Variants in C1orf21 observed in about 807,000 individuals in gnomAD.
C1orf21 encodes uncharacterized protein C1orf21.
C1orf21 carries 3 observed loss-of-function variants against 18.7 expected under a neutral mutation model. The observed-to-expected ratio is 0.16, with a 90% CI of 0.07 to 0.42. The LOEUF (loss-of-function observed/expected upper bound fraction) is 0.42, where lower values mean the gene tolerates loss of function less well. Among genes scored for constraint, C1orf21 ranks in the 10% least tolerant of loss-of-function variants. The probability of loss-of-function intolerance (pLI) is 0.99; values close to 1 mark genes in which losing one functional copy is unlikely to be tolerated. For synonymous variants in C1orf21, 41 were observed against 46.4 expected (o/e 0.88, Z 0.47); for missense variants, 104 against 143.6 (o/e 0.72, Z 1.41).
intron 1 of C1orf21, among the ~76,000 whole-genome samples, chr1:184,452,003 T>C (rs987825942): frequency 1.2e-4 from 18 of 152,330 alleles, no homozygotes; most frequent in African/African-American, 4.3e-4. Context: ...ATCCTTTGCT[T>C]TCCCTGGAAG....
At chr1:184,477,717 GC>G in intron 2 of C1orf21, 114 bp downstream of exon 2, 1 of 778,770 alleles carries the variant, frequency 1.3e-6, no homozygotes. Flanking sequence ...TTTGTTACAT[GC>G]CTAGAATGTG....
At chr1:184,541,310 AT>A (rs2101977607) in intron 3 of C1orf21, among the ~76,000 whole-genome samples, 1 of 152,194 alleles carries the variant, frequency 6.6e-6, no homozygotes, top group East Asian at 1.9e-4. Flanking sequence ...CCTAGGTTTT[AT>A]TTTTTGCTTG....
rs1018165650 is a variant in C1orf21 at position 184,388,928 on chromosome 1, T to G, written c.-125+1560T>G. On this transcript the variant is annotated intron_variant, in intron 1 of 5. Transcript: ENST00000235307. ...TTTTTCATATTGTCTAGAGCTGGATTGTAGGATCAATAGAACATGTTCCAT... is the reference window on the plus strand; with the variant it reads ...TTTTTCATATTGTCTAGAGCTGGATGGTAGGATCAATAGAACATGTTCCAT... 2.0e-5 allele frequency among the ~76,000 whole-genome samples: 3 copies of G among 152,310 alleles called. No individual in the cohort carries two copies. The East Asian group carries it at 5.8e-4, about 29-fold the overall frequency.
chr1:184,561,667 A>C (rs554888546), intron 3 of C1orf21, among the ~76,000 whole-genome samples: 16 of 152,190 alleles, frequency 1.1e-4, no homozygotes, highest in Non-Finnish European at 2.2e-4. Context: ...CCCAGGCTGG[A>C]ATGCGATGGT....
chr1:184,474,622 G>C (rs1449025733), intron 1 of C1orf21, among the ~76,000 whole-genome samples: 1 of 152,174 alleles, frequency 6.6e-6, no homozygotes, highest in Non-Finnish European at 1.5e-5. Flanking sequence ...AGAGGCTGTA[G>C]ATATGAAATT....
intron 3 of C1orf21, among the ~76,000 whole-genome samples, chr1:184,560,795 G>GCC (rs927580324): frequency 1.3e-5 from 2 of 152,160 alleles, no homozygotes; most frequent in Admixed American, 1.3e-4. Flanking sequence ...TGGCAAAGAT[G>GCC]CCCCTATGAA....
chr1:184,537,431 C>T (rs1480035344), intron 3 of C1orf21, among the ~76,000 whole-genome samples: 4 of 152,120 alleles, frequency 2.6e-5, no homozygotes, highest in Admixed American at 2.6e-4. Context: ...GCATAATGTT[C>T]TGAAGGTCCA....
rs573116634 is a variant in C1orf21, at chr1:184,572,811, G to C, written c.190-17928G>C. Among the ~76,000 whole-genome samples the C allele has an allele frequency of 3.5e-4, 53 of 152,166 alleles. No individual in the cohort carries two copies. The East Asian group carries it at 3.7e-3, about 11-fold the overall frequency. ...TACTGAAAATACAAAAATCAGCCAC[G>C]CATGGTGGCATGCACCTGTAATCTC... On this transcript the variant is annotated intron_variant, in intron 3 of 5. Coordinates refer to ENST00000235307, the MANE Select transcript of C1orf21 (RefSeq NM_030806.4).
At chr1:184,414,899 G>GT (rs1324992063) in intron 1 of C1orf21, among the ~76,000 whole-genome samples, 1 of 152,112 alleles carries the variant, frequency 6.6e-6, no homozygotes, top group Non-Finnish European at 1.5e-5. Flanking sequence ...ACTTTTGTGT[G>GT]GGGGGAAAGC....
intron 1 of C1orf21, among the ~76,000 whole-genome samples, chr1:184,417,566 T>C (rs1352517173): frequency 6.6e-6 from 1 of 152,244 alleles, no homozygotes; most frequent in Non-Finnish European, 1.5e-5. Flanking sequence ...TTAGCACTTA[T>C]CACAAAAGGA....
chr1:184,570,187 T>C (rs1659089455), intron 3 of C1orf21, among the ~76,000 whole-genome samples: 1 of 152,172 alleles, frequency 6.6e-6, no homozygotes, highest in African/African-American at 2.4e-5. Flanking sequence ...TTATTTTCGC[T>C]GTGTTTTTAA....
chr1:184,458,610 A>G (rs1657255966), intron 1 of C1orf21, among the ~76,000 whole-genome samples: 1 of 152,246 alleles, frequency 6.6e-6, no homozygotes, highest in Non-Finnish European at 1.5e-5. Context: ...ATTTCAACTT[A>G]ACATTCTTCA....
chr1:184,580,040 G>A (rs949881620), intron 3 of C1orf21, among the ~76,000 whole-genome samples: 3 of 152,114 alleles, frequency 2.0e-5, no homozygotes, highest in Non-Finnish European at 2.9e-5. Context: ...AAAAGTATTG[G>A]CTAACTTTCT....
Position 184,574,701 on chromosome 1 carries a change from C to T in C1orf21, c.190-16038C>T, listed in dbSNP as rs114317008. The stretch of plus-strand genomic sequence containing the variant: ...CTGACTTGACTAGCAGGACCTAGGG[C>T]GTGAAAAAGAATGGAGAGAATGTGC... On this transcript the variant is annotated intron_variant, in intron 3 of 5. Coordinates refer to ENST00000235307, the MANE Select transcript of C1orf21 (RefSeq NM_030806.4). 1.0e-2 allele frequency among the ~76,000 whole-genome samples: 1,514 copies of T among 152,132 alleles called. 28 individuals carry two copies. Among genetic ancestry groups the T allele is most frequent in the African/African-American group, 0.035 (1,451 of 41,476 alleles).
rs151130993 is a variant in C1orf21 at position 184,415,346 on chromosome 1, G to C, written c.-125+27978G>C. ...CCTTACTCGGTAAGTGTCTAGACTA[G>C]TTTTCAAACTTAAGTGCACATCAGA... On this transcript the variant is annotated intron_variant, in intron 1 of 5. Coordinates refer to ENST00000235307, the MANE Select transcript of C1orf21 (RefSeq NM_030806.4). Among the ~76,000 whole-genome samples the C allele has an allele frequency of 8.6e-4, 131 of 152,310 alleles. 1 individual carries two copies. Among genetic ancestry groups the C allele is most frequent in the African/African-American group, 3.0e-3 (123 of 41,566 alleles).
At chr1:184,428,478 GGAGA>G (rs1656680386) in intron 1 of C1orf21, among the ~76,000 whole-genome samples, 1 of 152,120 alleles carries the variant, frequency 6.6e-6, no homozygotes, top group Admixed American at 6.5e-5. Context: ...GCTTCAGATG[GGAGA>G]GAGAAAGAAC....
rs577276207 is a variant in C1orf21, at chr1:184,534,249, C to T, written c.189+26567C>T. 1.1e-4 allele frequency among the ~76,000 whole-genome samples: 16 copies of T among 152,230 alleles called. No homozygotes were observed. In the East Asian group the frequency reaches 2.7e-3, roughly 26 times the overall value. ...TCATCTCTGTTTAAATTTCTAAATT[C>T]TGTTTAAGCGAATTTAGAAAGGGAA... On this transcript the variant is annotated intron_variant, in intron 3 of 5. Transcript: ENST00000235307.
intron 5 of C1orf21, among the ~76,000 whole-genome samples, chr1:184,614,362 C>T (rs1056198737): frequency 6.6e-6 from 1 of 152,244 alleles, no homozygotes; most frequent in Non-Finnish European, 1.5e-5. Context: ...ATCTAGTCTA[C>T]TCCAGTGGGA....
intron 1 of C1orf21, among the ~76,000 whole-genome samples, chr1:184,452,883 T>G (rs1021333151): frequency 2.6e-5 from 4 of 152,174 alleles, no homozygotes; most frequent in Admixed American, 6.5e-5. Context: ...TTTAAAAATT[T>G]TAGTAGCTTT....
Sources: gnomAD v4.1 joint callset for allele counts (sites outside exome capture counted in the v4.1 genomes callset) on GRCh38, gnomAD v4.1.1 for gene constraint, MANE v1.5 for transcripts, NCBI Gene and HGNC (gene_info 2026-07-23, HGNC 2026-07-21) for gene names.